ANXA5: variants seen among roughly 807,000 people sequenced by gnomAD.
ANXA5 encodes the protein CBP-I.
In ANXA5, 40 loss-of-function variants were observed where a neutral mutation model predicts 48.1. The ratio of observed to expected loss-of-function variants is 0.83; its 90% CI spans 0.65 to 1.08. ANXA5 has a LOEUF of 1.08. Ranked by LOEUF, ANXA5 falls within the 50% of genes least tolerant of loss-of-function variation. The pLI is 0.00. For synonymous variants in ANXA5, 113 were observed against 129.1 expected, an observed-to-expected ratio of 0.88 and a Z score of 0.85; for missense variants, 357 against 376.8, an observed-to-expected ratio of 0.95 and a Z score of 0.44.
chr4:121,691,209 C>A (rs1724978382), intron 2 of ANXA5, among the ~76,000 whole-genome samples: 2 of 152,128 alleles, frequency 1.3e-5, no homozygotes, highest in African/African-American at 4.8e-5. Flanking sequence ...CCAAAATATA[C>A]AATTCACTCT....
rs1724846058 is a variant in ANXA5 at position 121,684,548 on chromosome 4, GA to G, written c.189+128del. The G allele has an allele frequency of 5.4e-6, 4 of 740,906 alleles. No homozygotes were observed. In the South Asian group the frequency reaches 7.3e-5, roughly 14 times the overall value. 45.9% of individuals were successfully genotyped at this position (740,906 alleles called of 1,614,324 possible). A position where few individuals can be genotyped will look rare whatever the true frequency, so the allele number is the denominator to read the frequency against. The stretch of plus-strand genomic sequence containing the variant: ...TGATAATTTAGAGGAGAGTGGAAAA[GA>G]AACAGAAGTAGGGAAGTCGGAATCA... On this transcript the variant is annotated intron_variant, in intron 4 of 12. Coordinates refer to ENST00000296511, the MANE Select transcript of ANXA5 (RefSeq NM_001154.4).
chr4:121,684,743 C>G lies in ANXA5; in HGVS notation c.123G>C (p.Leu41=), dbSNP rs543247319. ...LGTDEESILT[L]LTSRSNAQRQ... ...GCTGAGCATTACTTCGGGATGTCAA[C>G]AGAGTCAGGATGCTCTCCTCATCTG... The change falls in exon 4 of 13, where the codon CTG becomes CTC. Residue 41 remains leucine, a synonymous_variant. Coordinates refer to ENST00000296511, the MANE Select transcript of ANXA5 (RefSeq NM_001154.4). 5.6e-6 allele frequency: 9 copies of G among 1,614,006 alleles called. No individual in the cohort carries two copies. In the South Asian group the frequency reaches 8.8e-5, roughly 16 times the overall value.
chr4:121,687,851 T>C (rs1203101538), intron 2 of ANXA5, among the ~76,000 whole-genome samples: 1 of 152,196 alleles, frequency 6.6e-6, no homozygotes, highest in Non-Finnish European at 1.5e-5. Flanking sequence ...CTAGTCCTTG[T>C]CATTGGGCCT....
At position 121,678,160 on chromosome 4, in the gene ANXA5, C is replaced by A. The variant is rs561794176; in HGVS notation, c.475-210G>T. On this transcript the variant is annotated intron_variant, in intron 7 of 12. Transcript: ENST00000296511. ...ACTGATTTTAAATTCTATGAAAGAA[C>A]AAGATACCGCTATCATTCTATGAAA... The A allele has an allele frequency of 7.9e-4, 478 of 608,274 alleles. 1 individual carries two copies. Among genetic ancestry groups the A allele is most frequent in the Non-Finnish European group, 1.2e-3 (423 of 345,476 alleles). 37.7% of individuals were successfully genotyped at this position (608,274 alleles called of 1,614,324 possible). A position where few individuals can be genotyped will look rare whatever the true frequency, so the allele number is the denominator to read the frequency against.
intron 8 of ANXA5, among the ~76,000 whole-genome samples, chr4:121,675,420 G>A (rs1037039936): frequency 2.6e-5 from 4 of 152,184 alleles, no homozygotes; most frequent in African/African-American, 9.7e-5. Context: ...AGCTGCCCTT[G>A]CTACGAGGTA....
At chr4:121,668,629 C>T (rs1329684180) in intron 12 of ANXA5, 102 bp from the exon 13 acceptor site, 6 of 941,980 alleles carry the variant, frequency 6.4e-6, no homozygotes, top group South Asian at 1.4e-5. Context: ...AGACTCTTCT[C>T]CCAAGTGGGT....
intron 8 of ANXA5, among the ~76,000 whole-genome samples, chr4:121,674,223 A>AGGGAGGGGAGGGAGAG (rs1264827033): frequency 1.4e-5 from 1 of 71,284 alleles, no homozygotes; most frequent in South Asian, 7.6e-4. Context: ...GGAAAGGAGA[A>AGGGAGGGGAGGGAGAG]GGGAGGGGAG....
chr4:121,674,622 A>G (rs901639980), intron 8 of ANXA5, among the ~76,000 whole-genome samples: 4 of 152,204 alleles, frequency 2.6e-5, no homozygotes, highest in African/African-American at 9.7e-5. Flanking sequence ...TATTTTTACC[A>G]CAATGTTTTA....
chr4:121,680,777 C>G (rs1305516718), intron 6 of ANXA5, among the ~76,000 whole-genome samples: 1 of 152,184 alleles, frequency 6.6e-6, no homozygotes, highest in East Asian at 1.9e-4. Flanking sequence ...ATACATGTAT[C>G]ACTTCTGCCT....
intron 6 of ANXA5, among the ~76,000 whole-genome samples, chr4:121,681,039 T>C (rs955232282): frequency 4.6e-5 from 7 of 151,960 alleles, no homozygotes; most frequent in African/African-American, 1.7e-4. Flanking sequence ...GGAGAAAGAG[T>C]TGGCTACAAG....
intron 2 of ANXA5, among the ~76,000 whole-genome samples, chr4:121,687,553 C>G (rs1248904355): frequency 1.3e-5 from 2 of 152,184 alleles, no homozygotes; most frequent in Non-Finnish European, 2.9e-5. Flanking sequence ...CACAAAAGCA[C>G]AGTCACCAAA....
intron 2 of ANXA5, among the ~76,000 whole-genome samples, chr4:121,696,224 C>G (rs918063240): frequency 6.6e-6 from 1 of 152,094 alleles, no homozygotes; most frequent in Non-Finnish European, 1.5e-5. Flanking sequence ...CCACGATGAG[C>G]TGTTCTTGCT....
At chr4:121,669,373 C>A in intron 12 of ANXA5, 2 of 499,790 alleles carry the variant, frequency 4.0e-6, no homozygotes, top group South Asian at 3.1e-5. Context: ...CTAAATAATG[C>A]TTCTGAGTTC....
At chr4:121,688,417 C>T (rs1342141254) in intron 2 of ANXA5, among the ~76,000 whole-genome samples, 1 of 152,090 alleles carries the variant, frequency 6.6e-6, no homozygotes, top group African/African-American at 2.4e-5. Context: ...CTGTTAGTAA[C>T]TTTCCATGCA....
intron 6 of ANXA5, among the ~76,000 whole-genome samples, chr4:121,681,076 C>T (rs891649831): frequency 2.0e-5 from 3 of 152,142 alleles, no homozygotes; most frequent in African/African-American, 7.2e-5. Flanking sequence ...GGACTCTCTA[C>T]CTCTACTTTT....
chr4:121,678,291 C>T (rs1724730853), intron 7 of ANXA5, 124 bp downstream of exon 7: 3 of 756,214 alleles, frequency 4.0e-6, no homozygotes, highest in Non-Finnish European at 6.5e-6. Context: ...TCAGAATCAT[C>T]GCAGTAAGAA....
intron 6 of ANXA5, among the ~76,000 whole-genome samples, chr4:121,679,283 C>T (rs1363354617): frequency 6.6e-6 from 1 of 152,200 alleles, no homozygotes; most frequent in Non-Finnish European, 1.5e-5. Flanking sequence ...TCTACACCAA[C>T]ACCTGTAAAT....
At position 121,672,545 on chromosome 4, in the gene ANXA5, G is replaced by A. The variant is rs765777930; in HGVS notation, c.613C>T (p.His205Tyr). 6.2e-7 allele frequency: 1 copy of A among 1,613,214 alleles called. No individual in the cohort carries two copies. Among genetic ancestry groups the A allele is most frequent in the Non-Finnish European group, 8.5e-7 (1 of 1,179,448 alleles). ...TTTTTTCACTCACCCTTTCTCAAAT[G>A]AGACACACTTCGTGTTCCAAAGATG... ...ITIFGTRSVS[H>Y]LRKVFDKYMT... Residue 205 changes from histidine (H) to tyrosine (Y), a missense_variant, in exon 9 of 13, where the codon CAT becomes TAT. His to Tyr is a moderately conservative substitution (Grantham distance 83). Transcript: ENST00000296511.
Position 121,681,678 on chromosome 4 carries a change from A to C in ANXA5, c.387T>G (p.Tyr129Ter), listed in dbSNP as rs375160476. The stretch of plus-strand genomic sequence containing the variant: ...TAACTCACAAACATTTACCTTCTTC[A>C]TAAACTTGTTTGATGGCTCTCAGTT... ...PEELRAIKQV[Y>*]EEEYGSSLED... The change falls in exon 6 of 13, where the codon TAT becomes TAG. Residue 129 changes from tyrosine (Y) to a stop codon, truncating the protein, a stop_gained. Transcript: ENST00000296511. LOFTEE classifies it high-confidence loss of function. 24 of 1,608,978 alleles carry C rather than the reference A, an allele frequency of 1.5e-5. No individual in the cohort carries two copies. In the African/African-American group the frequency reaches 2.8e-4, roughly 19 times the overall value.
Sources: gnomAD v4.1 joint callset for allele counts (sites outside exome capture counted in the v4.1 genomes callset) on GRCh38, gnomAD v4.1.1 for gene constraint, MANE v1.5 for transcripts, NCBI Gene and HGNC (gene_info 2026-07-23, HGNC 2026-07-21) for gene names.